The following GALNT13 variants were observed in gnomAD, a reference collection of about 807,000 sequenced individuals.
GALNT13 encodes the protein UDP-GalNAc:polypeptide N-acetylgalactosaminyltransferase 13.
A neutral mutation model predicts 64.2 loss-of-function variants in GALNT13; 28 were observed. The ratio of observed to expected loss-of-function variants is 0.44; its 90% confidence interval spans 0.32 to 0.60. GALNT13 has a LOEUF of 0.60. GALNT13 is among the 20% of genes least tolerant of loss of function. The pLI, the probability that GALNT13 is intolerant of heterozygous loss-of-function variation, is 0.05. For missense variants in GALNT13, 577 were observed against 669.8 expected (o/e 0.86, Z 1.53); for synonymous variants, 214 against 224.6 (o/e 0.95, Z 0.42).
the GALNT13 span, among the ~76,000 whole-genome samples, chr2:153,341,380 C>T: frequency 6.6e-6 from 1 of 152,096 alleles, no homozygotes; most frequent in East Asian, 1.9e-4. Flanking sequence ...TATATTATGC[C>T]AAATTGGGAT....
chr2:153,587,180 G>A, the GALNT13 span, among the ~76,000 whole-genome samples: 1 of 147,730 alleles, frequency 6.8e-6, no homozygotes, highest in Admixed American at 6.9e-5. Flanking sequence ...GTTGCAGTGA[G>A]CCAGATTGCA....
At chr2:153,837,417 C>G in the GALNT13 span, among the ~76,000 whole-genome samples, 7 of 152,030 alleles carry the variant, frequency 4.6e-5, no homozygotes, top group East Asian at 1.2e-3. Flanking sequence ...AGCCCTTTGT[C>G]AGATACTCAC....
the GALNT13 span, among the ~76,000 whole-genome samples, chr2:153,144,423 C>G: frequency 6.6e-6 from 1 of 151,848 alleles, no homozygotes; most frequent in South Asian, 2.1e-4. Flanking sequence ...TCCTATGCAA[C>G]CTTCTTAAGT....
the GALNT13 span, chr2:153,420,679 C>A: frequency 8.9e-6 from 2 of 224,068 alleles, no homozygotes; most frequent in South Asian, 7.8e-5. Flanking sequence ...AATTAGTGTT[C>A]CCCTTCTTTT....
the GALNT13 span, among the ~76,000 whole-genome samples, chr2:153,249,767 G>T: frequency 6.6e-6 from 1 of 152,050 alleles, no homozygotes; most frequent in East Asian, 1.9e-4. Flanking sequence ...ACAAAAACAA[G>T]CAATGAGGAA....
At chr2:153,182,641 G>A in the GALNT13 span, among the ~76,000 whole-genome samples, 3 of 152,166 alleles carry the variant, frequency 2.0e-5, no homozygotes, top group South Asian at 6.2e-4. Context: ...AGAGTGTGTT[G>A]CTTCGCACCA....
the GALNT13 span, among the ~76,000 whole-genome samples, chr2:153,861,849 G>A: frequency 1.3e-5 from 2 of 152,096 alleles, no homozygotes; most frequent in Admixed American, 1.3e-4. Context: ...AAAGCACTGG[G>A]ATTACAGGCA....
chr2:154,104,351 A>G (rs1215876302), intron 3 of GALNT13, among the ~76,000 whole-genome samples: 3 of 152,002 alleles, frequency 2.0e-5, no homozygotes, highest in Non-Finnish European at 4.4e-5. Context: ...GTGTGTAGAG[A>G]GGGAGAGGTG....
At chr2:154,233,037 C>CAAA (rs375484057) in intron 4 of GALNT13, among the ~76,000 whole-genome samples, 10 of 59,006 alleles carry the variant, frequency 1.7e-4, no homozygotes, top group South Asian at 7.0e-4. Context: ...GACCCTGTCT[C>CAAA]AAAAAAAAAA....
the GALNT13 span, among the ~76,000 whole-genome samples, chr2:153,552,076 T>C: frequency 6.6e-6 from 1 of 152,152 alleles, no homozygotes; most frequent in South Asian, 2.1e-4. Flanking sequence ...TGCTCAAATG[T>C]CACATGTTTC....
chr2:154,006,016 G>A (rs992974257), intron 3 of GALNT13, among the ~76,000 whole-genome samples: 2 of 152,142 alleles, frequency 1.3e-5, no homozygotes, highest in African/African-American at 4.8e-5. Flanking sequence ...AGGAAAATGG[G>A]TACATTCATT....
At chr2:153,530,886 A>T in the GALNT13 span, among the ~76,000 whole-genome samples, 1 of 152,190 alleles carries the variant, frequency 6.6e-6, no homozygotes, top group Non-Finnish European at 1.5e-5. Flanking sequence ...ACAAAAATCA[A>T]ATAAAAATTG....
At chr2:153,434,493 T>G in the GALNT13 span, among the ~76,000 whole-genome samples, 1 of 152,224 alleles carries the variant, frequency 6.6e-6, no homozygotes, top group Admixed American at 6.5e-5. Context: ...CAGCACCTGT[T>G]GTTTCCTGAC....
the GALNT13 span, among the ~76,000 whole-genome samples, chr2:153,430,946 T>A: frequency 6.6e-6 from 1 of 151,870 alleles, no homozygotes; most frequent in African/African-American, 2.4e-5. Context: ...GGTCAGGAGT[T>A]CGAGACCAGC....
the GALNT13 span, among the ~76,000 whole-genome samples, chr2:153,260,074 C>T: frequency 1.3e-5 from 2 of 152,048 alleles, no homozygotes; most frequent in African/African-American, 4.8e-5. Context: ...AGCAAACAAG[C>T]AATAATAAAA....
At chr2:153,870,630 C>T (rs915919251), upstream of GALNT13, among the ~76,000 whole-genome samples, 2 of 151,564 alleles carry the variant, frequency 1.3e-5, no homozygotes, top group Non-Finnish European at 2.9e-5. Flanking sequence ...GACATTAATA[C>T]AGTTATTAAC....
the GALNT13 span, among the ~76,000 whole-genome samples, chr2:153,192,669 G>A: frequency 7.9e-5 from 12 of 152,012 alleles, no homozygotes; most frequent in Admixed American, 1.3e-4. Flanking sequence ...TATATATCTA[G>A]GTGCTCCAGT....
the GALNT13 span, among the ~76,000 whole-genome samples, chr2:153,360,462 A>G: frequency 1.3e-5 from 2 of 152,044 alleles, no homozygotes; most frequent in East Asian, 1.9e-4. Flanking sequence ...TTCCTAACAC[A>G]CTAAGATCCC....
At chr2:153,944,671 T>G in intron 3 of GALNT13, 32 bp downstream of exon 3, 2 of 1,566,488 alleles carry the variant, frequency 1.3e-6, no homozygotes, top group Non-Finnish European at 8.7e-7. Flanking sequence ...ACTGTCTTTA[T>G]AGAGATGAGA....
Sources: gnomAD v4.1 joint callset for allele counts (sites outside exome capture counted in the v4.1 genomes callset) on GRCh38, gnomAD v4.1.1 for gene constraint, MANE v1.5 for transcripts, NCBI Gene and HGNC (gene_info 2026-07-23, HGNC 2026-07-21) for gene names.